Variants in ROBO2 observed in about 807,000 individuals in gnomAD.
The protein encoded by ROBO2 is roundabout guidance receptor 2, also known as roundabout homolog 2.
Under a neutral mutation model 160.8 loss-of-function variants are expected in ROBO2, and 53 were observed. The observed-to-expected ratio is 0.33, with a 90% CI of 0.26 to 0.41. The LOEUF (loss-of-function observed/expected upper bound fraction) is 0.41, where lower values mean the gene tolerates loss of function less well. Ranked by LOEUF, ROBO2 falls within the 10% of genes least tolerant of loss-of-function variation. The pLI, the probability that ROBO2 is intolerant of heterozygous loss-of-function variation, is 1.00. For synonymous variants in ROBO2, 664 were observed against 611.7 expected (o/e 1.09, Z -1.26); for missense variants, 1,577 against 1,722.4 (o/e 0.92, Z 1.49).
At chr3:76,478,216 C>T (rs2079035442) in intron 2 of ROBO2, among the ~76,000 whole-genome samples, 2 of 128,308 alleles carry the variant, frequency 1.6e-5, no homozygotes, top group Admixed American at 9.1e-5. Context: ...GTGTGATGTT[C>T]CCCTTCCTGT....
chr3:75,966,963 G>A (rs1329514988), intron 2 of ROBO2, among the ~76,000 whole-genome samples: 1 of 151,592 alleles, frequency 6.6e-6, no homozygotes, highest in Non-Finnish European at 1.5e-5. Context: ...TCAACACACT[G>A]CTACACATAG....
At position 77,635,543 on chromosome 3, in the gene ROBO2, T is replaced by G. The variant is rs530959630; in HGVS notation, c.3934+500T>G. On this transcript the variant is annotated intron_variant, in intron 24 of 25. Coordinates refer to ENST00000461745, the Ensembl canonical transcript of ROBO2. ...TCTGGGCTGCTATAAAAAAATAGAG[T>G]CATGCATTGTATGACAATGTTTCAG... 1.6e-3 allele frequency among the ~76,000 whole-genome samples: 237 copies of G among 152,234 alleles called. 3 individuals are homozygous for G. The highest frequency in any genetic ancestry group is 0.016 in the South Asian group (75 of 4,828).
chr3:77,355,561 T>C (rs978090669), intron 2 of ROBO2, among the ~76,000 whole-genome samples: 1 of 152,122 alleles, frequency 6.6e-6, no homozygotes, highest in Non-Finnish European at 1.5e-5. Flanking sequence ...TCAGGAAATA[T>C]GGTGAAGGCT....
rs377594136 is a variant in ROBO2, at chr3:76,117,562, G to A, written c.109+179960G>A. 3.3e-5 allele frequency among the ~76,000 whole-genome samples: 5 copies of A among 152,126 alleles called. No homozygotes were observed. In the East Asian group the frequency reaches 5.8e-4, roughly 18 times the overall value. On this transcript the variant is annotated intron_variant, in intron 2 of 26. Transcript: ENST00000487694. Reference sequence around the variant, plus strand: ...AACTCCTCTGAGGGACAAGCACTTGGTTCCAATATCACATCAGTTCTTACT... The same window carrying A: ...AACTCCTCTGAGGGACAAGCACTTGATTCCAATATCACATCAGTTCTTACT...
intron 2 of ROBO2, among the ~76,000 whole-genome samples, chr3:75,955,210 G>T (rs1485724363): frequency 6.6e-6 from 1 of 151,810 alleles, no homozygotes; most frequent in Non-Finnish European, 1.5e-5. Context: ...GAGATTAGAT[G>T]TAGGTTTAAT....
chr3:77,560,713 A>T (rs1013403309), intron 9 of ROBO2, among the ~76,000 whole-genome samples: 23 of 152,184 alleles, frequency 1.5e-4, no homozygotes, highest in African/African-American at 5.1e-4. Context: ...ACTCATTAAA[A>T]TATACCTACC....
rs1342845904 is a variant in ROBO2 at position 75,969,424 on chromosome 3, A to G, written c.109+31822A>G. ...TATACTGATTTCAGTTCCTTTGGGT[A>G]TGTACCCAGCAGGGGGATTGTGGAG... is the stretch of plus-strand genomic sequence containing the variant. On this transcript the variant is annotated intron_variant, in intron 2 of 26. Transcript: ENST00000487694. Among the ~76,000 whole-genome samples the G allele has an allele frequency of 5.3e-5, 8 of 151,560 alleles. No individual in the cohort carries two copies. In the South Asian group the frequency reaches 1.7e-3, roughly 31 times the overall value.
At chr3:76,494,672 C>T (rs1306265375) in intron 2 of ROBO2, among the ~76,000 whole-genome samples, 1 of 152,148 alleles carries the variant, frequency 6.6e-6, no homozygotes, top group Non-Finnish European at 1.5e-5. Flanking sequence ...CTTTAAGTGA[C>T]TTTAGCACAA....
chr3:77,260,646 T>C (rs867586180), intron 2 of ROBO2, among the ~76,000 whole-genome samples: 32 of 152,270 alleles, frequency 2.1e-4, no homozygotes, highest in Non-Finnish European at 1.6e-4. Context: ...GGGAATCAGC[T>C]CTGAGAGTTT....
At chr3:76,808,689 A>G (rs1438327329) in intron 2 of ROBO2, among the ~76,000 whole-genome samples, 2 of 152,114 alleles carry the variant, frequency 1.3e-5, no homozygotes, top group Non-Finnish European at 2.9e-5. Context: ...AGTGGCTCAA[A>G]TGTGGGTGTT....
intron 2 of ROBO2, among the ~76,000 whole-genome samples, chr3:76,158,046 G>A (rs2072475782): frequency 6.6e-6 from 1 of 152,112 alleles, no homozygotes; most frequent in South Asian, 2.1e-4. Context: ...ACTGGTCTCA[G>A]GAAGTTGGGA....
At chr3:77,352,521 G>C (rs569747195) in intron 2 of ROBO2, among the ~76,000 whole-genome samples, 1 of 152,166 alleles carries the variant, frequency 6.6e-6, no homozygotes, top group South Asian at 2.1e-4. Flanking sequence ...GAATTGCAAG[G>C]CTACGACATG....
intron 2 of ROBO2, among the ~76,000 whole-genome samples, chr3:76,152,332 C>A (rs1187280210): frequency 2.0e-5 from 3 of 152,084 alleles, no homozygotes; most frequent in South Asian, 2.1e-4. Context: ...CCATTAAACT[C>A]CATTAAAACT....
chr3:76,829,900 T>A (rs913766946), intron 2 of ROBO2, among the ~76,000 whole-genome samples: 6 of 152,154 alleles, frequency 3.9e-5, no homozygotes, highest in African/African-American at 1.4e-4. Context: ...ACCTCTGATC[T>A]CAGGTGATCC....
intron 4 of ROBO2, among the ~76,000 whole-genome samples, chr3:77,489,578 G>A (rs1222866906): frequency 1.3e-5 from 2 of 152,164 alleles, no homozygotes; most frequent in East Asian, 1.9e-4. Flanking sequence ...ATCCCCTTGA[G>A]GAAGGGACAG....
At chr3:76,880,369 A>G (rs765633385) in intron 2 of ROBO2, among the ~76,000 whole-genome samples, 24 of 152,296 alleles carry the variant, frequency 1.6e-4, no homozygotes, top group Middle Eastern at 3.4e-3. Flanking sequence ...AATAAAGATT[A>G]AAAGATGATC....
At chr3:76,201,639 A>G (rs1225219054) in intron 2 of ROBO2, among the ~76,000 whole-genome samples, 3 of 152,054 alleles carry the variant, frequency 2.0e-5, no homozygotes, top group African/African-American at 4.8e-5. Context: ...TGTTAATTTT[A>G]TATTATTGGA....
intron 2 of ROBO2, among the ~76,000 whole-genome samples, chr3:76,006,069 G>A (rs895256447): frequency 6.6e-6 from 1 of 152,108 alleles, no homozygotes; most frequent in African/African-American, 2.4e-5. Context: ...CCAGCTTGAA[G>A]TATCTTGTCC....
At chr3:77,389,046 G>C (rs2074428961) in intron 2 of ROBO2, among the ~76,000 whole-genome samples, 1 of 152,142 alleles carries the variant, frequency 6.6e-6, no homozygotes, top group African/African-American at 2.4e-5. Context: ...CTGGGTTCAA[G>C]CGATTCTCCT....
Sources: gnomAD v4.1 joint callset for allele counts (sites outside exome capture counted in the v4.1 genomes callset) on GRCh38, gnomAD v4.1.1 for gene constraint, MANE v1.5 for transcripts, NCBI Gene and HGNC (gene_info 2026-07-23, HGNC 2026-07-21) for gene names.